SP2: variants seen among roughly 807,000 people sequenced by gnomAD.
SP2 encodes Sp2 transcription factor.
Under a neutral mutation model 50.1 loss-of-function variants are expected in SP2, and 9 were observed. That is an observed-to-expected ratio of 0.18 (90% CI 0.11 to 0.31). SP2 has a LOEUF of 0.31. SP2 is among the 10% of genes least tolerant of loss of function. The probability of loss-of-function intolerance (pLI) is 1.00; values close to 1 mark genes in which losing one functional copy is unlikely to be tolerated. For missense variants in SP2, 581 were observed against 806.5 expected, an observed-to-expected ratio of 0.72 and a Z score of 3.39; for synonymous variants, 313 against 326.6, an observed-to-expected ratio of 0.96 and a Z score of 0.45.
At chr17:47,901,710 C>T (rs1358403621) in intron 1 of SP2, among the ~76,000 whole-genome samples, 1 of 152,108 alleles carries the variant, frequency 6.6e-6, no homozygotes, top group East Asian at 1.9e-4. Flanking sequence ...TTGAGGGTTC[C>T]ACCAGGGTCT....
intron 4 of SP2, among the ~76,000 whole-genome samples, chr17:47,924,037 T>C (rs2035559410): frequency 6.6e-6 from 1 of 152,118 alleles, no homozygotes; most frequent in Non-Finnish European, 1.5e-5. Flanking sequence ...ACACATTTGC[T>C]TTTCCCTCTT....
At chr17:47,909,362 A>G (rs753566387) in intron 1 of SP2, among the ~76,000 whole-genome samples, 2 of 152,184 alleles carry the variant, frequency 1.3e-5, no homozygotes, top group South Asian at 2.1e-4. Flanking sequence ...ACATGGCACT[A>G]TTAGGCTCTT....
chr17:47,903,836 C>T (rs1010856600), intron 1 of SP2, among the ~76,000 whole-genome samples: 8 of 151,888 alleles, frequency 5.3e-5, no homozygotes, highest in East Asian at 1.9e-4. Flanking sequence ...TGGTGGCACA[C>T]GCCTGTATTC....
intron 1 of SP2, among the ~76,000 whole-genome samples, chr17:47,907,575 T>C (rs546273586): frequency 1.8e-4 from 28 of 152,342 alleles, no homozygotes; most frequent in Admixed American, 1.6e-3. Context: ...GATATAACTT[T>C]GAAAGCAATG....
At chr17:47,918,193 A>C (rs1025600137) in intron 3 of SP2, among the ~76,000 whole-genome samples, 1 of 152,142 alleles carries the variant, frequency 6.6e-6, no homozygotes, top group African/African-American at 2.4e-5. Context: ...GAAGAACCGA[A>C]TGACTGAGAG....
rs2035592502 is a variant in SP2 at position 47,925,045 on chromosome 17, G to A, written c.1499G>A (p.Arg500Gln). The change falls in exon 5 of 7, where the codon CGG becomes CAG. Residue 500 changes from arginine to glutamine, a missense_variant. By Grantham distance (43) the Arg-to-Gln change is conservative. Coordinates refer to ENST00000376741, the MANE Select transcript of SP2 (RefSeq NM_003110.6). ...LAGETQPGEK[R>Q]RRMACTCPNC... ...GGAGAGACCCAGCCCGGGGAGAAGC[G>A]GCGCCGCATGGCCTGCACGTGTCCC... 1.9e-6 allele frequency: 3 copies of A among 1,613,996 alleles called. No homozygotes were observed. The highest frequency in any genetic ancestry group is 1.7e-6 in the Non-Finnish European group (2 of 1,179,904).
chr17:47,925,256 A>C lies in SP2; in HGVS notation c.1548-92A>C, dbSNP rs2035600907. 2.1e-6 allele frequency: 3 copies of C among 1,423,860 alleles called. No individual in the cohort carries two copies. The African/African-American group carries it at 4.2e-5, about 20-fold the overall frequency. 88.2% of individuals were successfully genotyped at this position (1,423,860 alleles called of 1,614,324 possible). A position where few individuals can be genotyped will look rare whatever the true frequency, so the allele number is the denominator to read the frequency against. ...TCCTTGTGCTCTCTGACCTGACCCC[A>C]CATCCTCACTGCATCCTGTTCCTGC... On this transcript the variant is annotated intron_variant, in intron 5 of 6. Transcript: ENST00000376741.
chr17:47,896,406 C>A, intron 1 of SP2, 113 bp downstream of exon 1: 1 of 903,906 alleles, frequency 1.1e-6, no homozygotes, highest in Non-Finnish European at 1.5e-6. Context: ...GGGGCTGGGT[C>A]TGGCGTCGGG....
intron 1 of SP2, among the ~76,000 whole-genome samples, chr17:47,908,334 A>T (rs1033077916): frequency 6.6e-6 from 1 of 152,132 alleles, no homozygotes; most frequent in African/African-American, 2.4e-5. Context: ...CGCGGATCCT[A>T]TGTCTCTTGT....
downstream of SP2, among the ~76,000 whole-genome samples, chr17:47,931,008 CT>C (rs2035807609): frequency 6.6e-6 from 1 of 151,770 alleles, no homozygotes; most frequent in South Asian, 2.1e-4. Context: ...GCAAATGGGT[CT>C]TCCTTGCCCT....
At chr17:47,900,839 G>A (rs1216502506) in intron 1 of SP2, among the ~76,000 whole-genome samples, 1 of 152,174 alleles carries the variant, frequency 6.6e-6, no homozygotes, top group Non-Finnish European at 1.5e-5. Flanking sequence ...ACAAATAAAT[G>A]TGCCAAAGCA....
At chr17:47,925,949 T>G (rs2035632477) in intron 6 of SP2, among the ~76,000 whole-genome samples, 2 of 137,466 alleles carry the variant, frequency 1.5e-5, no homozygotes, top group African/African-American at 5.6e-5. Flanking sequence ...TGGAGTTTCG[T>G]TCTTTTGCCC....
chr17:47,906,825 G>A (rs371439127), intron 1 of SP2, among the ~76,000 whole-genome samples: 1 of 152,118 alleles, frequency 6.6e-6, no homozygotes, highest in African/African-American at 2.4e-5. Flanking sequence ...GGTCTAACAC[G>A]TGGAGCAGAG....
chr17:47,901,377 C>T (rs2034534882), intron 1 of SP2, among the ~76,000 whole-genome samples: 2 of 152,068 alleles, frequency 1.3e-5, no homozygotes, highest in African/African-American at 4.8e-5. Context: ...CAACTCTTGA[C>T]CTCGTGATCC....
chr17:47,921,858 C>G (rs1265734187), intron 3 of SP2, among the ~76,000 whole-genome samples: 1 of 152,166 alleles, frequency 6.6e-6, no homozygotes, highest in East Asian at 1.9e-4. Flanking sequence ...TGGTCCCAGC[C>G]CTTCTCAATG....
intron 3 of SP2, chr17:47,917,819 G>T (rs1034854088): frequency 9.2e-6 from 4 of 436,172 alleles, no homozygotes; most frequent in Admixed American, 2.6e-5. Flanking sequence ...AATTCAACAA[G>T]AATGTTCTTA....
chr17:47,909,599 C>A, intron 1 of SP2: 1 of 512,272 alleles, frequency 2.0e-6, no homozygotes, highest in Non-Finnish European at 2.5e-6. Context: ...ACCCTCGATG[C>A]AGTGATATAA....
intron 1 of SP2, among the ~76,000 whole-genome samples, chr17:47,910,683 C>T (rs558669812): frequency 3.3e-5 from 5 of 152,200 alleles, no homozygotes; most frequent in Non-Finnish European, 7.3e-5. Context: ...ACAGACTTGA[C>T]ACTTAGGCTC....
intron 6 of SP2, among the ~76,000 whole-genome samples, chr17:47,927,090 A>G (rs1042649524): frequency 3.3e-5 from 5 of 152,220 alleles, no homozygotes; most frequent in African/African-American, 4.8e-5. Context: ...TCCAGGTTCA[A>G]AGTCAGAGGG....
Sources: allele counts gnomAD v4.1 joint callset (sites outside exome capture counted in the v4.1 genomes callset), GRCh38; gene constraint gnomAD v4.1.1; transcripts MANE v1.5; gene names NCBI Gene and HGNC (gene_info 2026-07-23, HGNC 2026-07-21).